The following RBFOX1 variants were observed in gnomAD, a reference collection of about 807,000 sequenced individuals.
RBFOX1 encodes the protein RNA binding protein fox-1 homolog 1.
In RBFOX1, 8 loss-of-function variants were observed where a neutral mutation model predicts 57.7. That is an observed-to-expected ratio of 0.14 (90% CI 0.08 to 0.25). The LOEUF (loss-of-function observed/expected upper bound fraction) is 0.25, where lower values mean the gene tolerates loss of function less well. RBFOX1 is among the 10% of genes least tolerant of loss of function. The probability of loss-of-function intolerance (pLI) is 1.00; values close to 1 mark genes in which losing one functional copy is unlikely to be tolerated. For missense variants in RBFOX1, 611 were observed against 548.5 expected, an observed-to-expected ratio of 1.11 and a Z score of -1.14; for synonymous variants, 326 against 222.4, an observed-to-expected ratio of 1.47 and a Z score of -4.15.
Position 6,841,461 on chromosome 16 carries a change from C to G in RBFOX1, c.-16+186811C>G, listed in dbSNP as rs12445891. Among the ~76,000 whole-genome samples, 1,434 of 152,254 alleles carry G rather than the reference C, an allele frequency of 9.4e-3. 11 individuals carry two copies. The highest frequency in any genetic ancestry group is 0.013 in the Non-Finnish European group (871 of 68,020). ...TTTGTTTGCTTGTCAATAAAACCCT[C>G]ATGCAACCTGAGTGGAAGGGGAGAG... On this transcript the variant is annotated intron_variant, in intron 3 of 15. Transcript: ENST00000550418.
intron 13 of RBFOX1, among the ~76,000 whole-genome samples, chr16:7,670,163 C>T (rs1181802556): frequency 6.6e-6 from 1 of 152,134 alleles, no homozygotes; most frequent in Non-Finnish European, 1.5e-5. Context: ...TCCCAGATAG[C>T]TGAGACTACA....
At chr16:6,410,704 C>T (rs913960089) in intron 2 of RBFOX1, among the ~76,000 whole-genome samples, 2 of 152,150 alleles carry the variant, frequency 1.3e-5, no homozygotes, top group African/African-American at 2.4e-5. Flanking sequence ...CGTTGAATCA[C>T]GTGTGTCTAT....
intron 4 of RBFOX1, among the ~76,000 whole-genome samples, chr16:6,003,324 A>G (rs1027515021): frequency 2.0e-5 from 3 of 150,078 alleles, no homozygotes; most frequent in Non-Finnish European, 4.4e-5. Context: ...GAGAAAAATG[A>G]GATCAAGACG....
chr16:5,864,686 A>G (rs371404216), intron 3 of RBFOX1, among the ~76,000 whole-genome samples: 11 of 152,016 alleles, frequency 7.2e-5, no homozygotes, highest in African/African-American at 1.9e-4. Context: ...TATAATATGG[A>G]TGGATCATAA....
At chr16:5,763,857 T>C (rs1004572815) in intron 3 of RBFOX1, among the ~76,000 whole-genome samples, 25 of 152,334 alleles carry the variant, frequency 1.6e-4, no homozygotes, top group African/African-American at 6.0e-4. Flanking sequence ...CTGTCTTAAG[T>C]AGCAACTCCT....
chr16:5,999,697 T>C (rs1000300801), intron 4 of RBFOX1, among the ~76,000 whole-genome samples: 3 of 151,172 alleles, frequency 2.0e-5, no homozygotes, highest in Non-Finnish European at 4.4e-5. Context: ...GTGTCTCTAC[T>C]AAAAATACAA....
intron 3 of RBFOX1, among the ~76,000 whole-genome samples, chr16:7,026,365 A>G (rs1301309665): frequency 6.6e-6 from 1 of 152,204 alleles, no homozygotes; most frequent in Non-Finnish European, 1.5e-5. Context: ...TTGCAAAGGA[A>G]TTCAATCTAG....
chr16:5,908,704 C>T (rs575216217), intron 4 of RBFOX1, among the ~76,000 whole-genome samples: 5 of 152,108 alleles, frequency 3.3e-5, no homozygotes, highest in African/African-American at 1.2e-4. Context: ...AGTTTCAATT[C>T]GATGCATATA....
chr16:7,368,038 T>A (rs951180058), intron 4 of RBFOX1, among the ~76,000 whole-genome samples: 1 of 151,848 alleles, frequency 6.6e-6, no homozygotes, highest in African/African-American at 2.4e-5. Context: ...AAGCCGAGGA[T>A]GGTGAATCAG....
intron 1 of RBFOX1, among the ~76,000 whole-genome samples, chr16:5,311,256 A>AT (rs1491235648): frequency 5.9e-5 from 9 of 152,302 alleles, no homozygotes; most frequent in African/African-American, 2.2e-4. Flanking sequence ...ACACACATAT[A>AT]CACACACATA....
At chr16:6,886,135 C>T (rs896013568) in intron 3 of RBFOX1, among the ~76,000 whole-genome samples, 1 of 150,386 alleles carries the variant, frequency 6.6e-6, no homozygotes, top group Non-Finnish European at 1.5e-5. Flanking sequence ...GATCTCGGCT[C>T]ACTGCATCCT....
chr16:6,487,871 G>T (rs534427676), intron 2 of RBFOX1, among the ~76,000 whole-genome samples: 7 of 151,126 alleles, frequency 4.6e-5, no homozygotes, highest in African/African-American at 1.7e-4. Flanking sequence ...TATTTAAAAT[G>T]GTCCTTTTTC....
At chr16:6,548,549 C>G (rs1599505379) in intron 2 of RBFOX1, among the ~76,000 whole-genome samples, 1 of 152,164 alleles carries the variant, frequency 6.6e-6, no homozygotes, top group African/African-American at 2.4e-5. Context: ...TTCAAGTAAG[C>G]TCTCCAGGTA....
chr16:5,520,096 C>T (rs568294643), intron 2 of RBFOX1, among the ~76,000 whole-genome samples: 8 of 152,078 alleles, frequency 5.3e-5, no homozygotes, highest in South Asian at 4.1e-4. Flanking sequence ...ATTTAAAGAA[C>T]GTGGGAGCAT....
intron 3 of RBFOX1, among the ~76,000 whole-genome samples, chr16:5,640,609 C>A (rs556924862): frequency 3.3e-5 from 5 of 151,694 alleles, no homozygotes; most frequent in Non-Finnish European, 5.9e-5. Flanking sequence ...TACACACATG[C>A]GCATACATAT....
intron 4 of RBFOX1, among the ~76,000 whole-genome samples, chr16:5,880,193 A>G (rs2151916141): frequency 6.6e-6 from 1 of 152,300 alleles, no homozygotes; most frequent in Admixed American, 6.5e-5. Context: ...GTTCCAAACA[A>G]GAGGAAATGG....
chr16:6,464,896 GCA>G (rs2095007570), intron 2 of RBFOX1, among the ~76,000 whole-genome samples: 1 of 152,214 alleles, frequency 6.6e-6, no homozygotes, highest in African/African-American at 2.4e-5. Context: ...GTAGCCTCCA[GCA>G]CAGAGATCCC....
chr16:5,387,397 A>G (rs772475457), intron 1 of RBFOX1, among the ~76,000 whole-genome samples: 11 of 152,206 alleles, frequency 7.2e-5, no homozygotes, highest in Non-Finnish European at 1.6e-4. Context: ...GTGACTCTGT[A>G]AAGTCATCAC....
chr16:7,470,556 G>A (rs149086012), intron 4 of RBFOX1, among the ~76,000 whole-genome samples: 286 of 151,912 alleles, frequency 1.9e-3, no homozygotes, highest in African/African-American at 6.3e-3. Context: ...TGGGTGAGTG[G>A]TAGGCAGATG....
Sources: allele counts gnomAD v4.1 joint callset (sites outside exome capture counted in the v4.1 genomes callset), GRCh38; gene constraint gnomAD v4.1.1; transcripts MANE v1.5; gene names NCBI Gene and HGNC (gene_info 2026-07-23, HGNC 2026-07-21).